Variants in AP2A2 observed in about 807,000 individuals in gnomAD.
The protein encoded by AP2A2 is AP-2 complex subunit alpha-2.
Under a neutral mutation model 104.2 loss-of-function variants are expected in AP2A2, and 32 were observed. The ratio of observed to expected loss-of-function variants is 0.31; its 90% CI spans 0.23 to 0.41. AP2A2 has a LOEUF of 0.41. Ranked by LOEUF, AP2A2 falls within the 10% of genes least tolerant of loss-of-function variation. The pLI is 1.00. For missense variants in AP2A2, 912 were observed against 1,261.0 expected, an observed-to-expected ratio of 0.72 and a Z score of 4.19; for synonymous variants, 539 against 533.3, an observed-to-expected ratio of 1.01 and a Z score of -0.15.
Position 1,002,624 on chromosome 11 carries a change from G to A in AP2A2, c.2124-1098G>A, listed in dbSNP as rs527736352. Reference sequence around the variant, plus strand: ...GCAGCGCCCTCCTGGCCCCAAGAGCGAGCCAAGGGCCGCCTGTCACTGCCC... The same window carrying A: ...GCAGCGCCCTCCTGGCCCCAAGAGCAAGCCAAGGGCCGCCTGTCACTGCCC... On this transcript the variant is annotated intron_variant, in intron 15 of 21. Transcript: ENST00000448903. Among the ~76,000 whole-genome samples the A allele has an allele frequency of 2.0e-5, 3 of 152,372 alleles. No homozygotes were observed. In the East Asian group the frequency reaches 5.8e-4, roughly 29 times the overall value.
At chr11:963,599 C>T (rs971437419) in intron 2 of AP2A2, among the ~76,000 whole-genome samples, 13 of 152,116 alleles carry the variant, frequency 8.5e-5, no homozygotes, top group African/African-American at 2.4e-4. Flanking sequence ...TTTAGAGCAA[C>T]CCTTCTGTTG....
At position 993,251 on chromosome 11, in the gene AP2A2, C is replaced by A; in HGVS notation, c.1453-33C>A. The A allele has an allele frequency of 6.4e-7, 1 of 1,565,680 alleles. No individual in the cohort carries two copies. Among genetic ancestry groups the A allele is most frequent in the Non-Finnish European group, 8.7e-7 (1 of 1,154,506 alleles). Reference sequence around the variant, plus strand: ...GCCTCGCCTTAACTCTGGCACCTGGCTGCCACCCCGGCTCATTGTTTGTGC... The same window carrying A: ...GCCTCGCCTTAACTCTGGCACCTGGATGCCACCCCGGCTCATTGTTTGTGC... On this transcript the variant is annotated intron_variant, in intron 11 of 21. Coordinates refer to ENST00000448903, the MANE Select transcript of AP2A2 (RefSeq NM_012305.4). The surrounding 1 kb of genome is among the most constrained non-coding windows in gnomAD (Gnocchi z 8.2).
chr11:991,661 A>C (rs1362320327), intron 10 of AP2A2, among the ~76,000 whole-genome samples: 3 of 128,032 alleles, frequency 2.3e-5, no homozygotes, highest in Non-Finnish European at 4.8e-5. Context: ...AGTGTCACGG[A>C]GTCAGGTTGG....
chr11:993,729 C>A lies in AP2A2; in HGVS notation c.1551-25C>A. Reference sequence around the variant, plus strand: ...AGCCTGCGAGGGGACGACGGTGTCCCTGTGTTGTGCCTCCCCGTCCCCAGC... The same window carrying A: ...AGCCTGCGAGGGGACGACGGTGTCCATGTGTTGTGCCTCCCCGTCCCCAGC... On this transcript the variant is annotated intron_variant, in intron 12 of 21. Transcript: ENST00000448903. This position sits in a 1 kb window ranked among gnomAD's most constrained non-coding sequence, Gnocchi z 8.2. The A allele has an allele frequency of 6.5e-7, 1 of 1,549,048 alleles. No homozygotes were observed. Among genetic ancestry groups the A allele is most frequent in the South Asian group, 1.2e-5 (1 of 85,110 alleles).
At chr11:928,244 A>T (rs1853180547) in intron 1 of AP2A2, among the ~76,000 whole-genome samples, 1 of 152,228 alleles carries the variant, frequency 6.6e-6, no homozygotes, top group Non-Finnish European at 1.5e-5. Context: ...ACAATAAGAT[A>T]TTTAAAGAGA....
At chr11:981,479 C>T (rs1589989931) in intron 6 of AP2A2, 180 bp downstream of exon 6, 1 of 582,026 alleles carries the variant, frequency 1.7e-6, no homozygotes, top group Non-Finnish European at 3.0e-6. Flanking sequence ...AAGCACAGCT[C>T]CCTGTTCCCA....
chr11:974,682 C>CAAAAAAAAA (rs747053947), intron 4 of AP2A2, among the ~76,000 whole-genome samples: 1 of 49,630 alleles, frequency 2.0e-5, no homozygotes. Context: ...GACTCTGTCT[C>CAAAAAAAAA]AAAAAAAAAA....
chr11:938,795 A>C (rs1360698340), intron 1 of AP2A2, among the ~76,000 whole-genome samples: 5 of 152,138 alleles, frequency 3.3e-5, no homozygotes, highest in East Asian at 1.9e-4. Flanking sequence ...ATGTTTTTAC[A>C]GACTCCTTCT....
At chr11:974,292 TCTC>T (rs1399002866) in intron 4 of AP2A2, among the ~76,000 whole-genome samples, 1 of 152,166 alleles carries the variant, frequency 6.6e-6, no homozygotes, top group Non-Finnish European at 1.5e-5. Context: ...CAGGCAGGGT[TCTC>T]CTACCTCAGA....
At chr11:932,195 C>G (rs1466471069) in intron 1 of AP2A2, among the ~76,000 whole-genome samples, 2 of 152,158 alleles carry the variant, frequency 1.3e-5, no homozygotes, top group Non-Finnish European at 2.9e-5. Context: ...TCAAGTGATC[C>G]ACCTGCCTCG....
Position 1,007,993 on chromosome 11 carries a change from G to T in AP2A2, c.2297-19G>T, listed in dbSNP as rs1281203311. 4 of 1,553,170 alleles carry T rather than the reference G, an allele frequency of 2.6e-6. No homozygotes were observed. Among genetic ancestry groups the T allele is most frequent in the Non-Finnish European group, 3.5e-6 (4 of 1,148,538 alleles). On this transcript the variant is annotated intron_variant, in intron 17 of 21. Coordinates refer to ENST00000448903, the MANE Select transcript of AP2A2 (RefSeq NM_012305.4). ...TCTGCCACTGGGACTTGCTCAGCTG[G>T]ATTCCTTAACGCACGCACACCTGAA...
At position 1,010,546 on chromosome 11, in the gene AP2A2, A is replaced by G; in HGVS notation, c.2743-2A>G. The G allele has an allele frequency of 6.3e-7, 1 of 1,587,130 alleles. No homozygotes were observed. Among genetic ancestry groups the G allele is most frequent in the Non-Finnish European group, 8.6e-7 (1 of 1,166,816 alleles). ...GTTGACCTGCTGTGCTCTCTGTTTC[A>G]GATGTACCGGCTCACGCTGCGCACA... On this transcript the variant is annotated splice_acceptor_variant, in intron 21 of 21. Transcript: ENST00000448903. LOFTEE classifies it high-confidence loss of function.
In AP2A2 at chr11:988,671, C is replaced by T. The variant is rs2133722426; in HGVS notation, c.1251C>T (p.Tyr417=). ...TGAGCTATCTGGAGACAGCTGACTA[C>T]TCCATCCGAGAAGAGATTGTGAGTT... is the stretch of plus-strand genomic sequence containing the variant. ...EMLSYLETAD[Y]SIREEIVLKV... Residue 417 remains tyrosine, a synonymous_variant, in exon 10 of 22, where the codon TAC becomes TAT. Coordinates refer to ENST00000448903, the MANE Select transcript of AP2A2 (RefSeq NM_012305.4). 6.2e-7 allele frequency: 1 copy of T among 1,613,714 alleles called. No individual in the cohort carries two copies. Among genetic ancestry groups the T allele is most frequent in the Non-Finnish European group, 8.5e-7 (1 of 1,179,904 alleles).
At chr11:1,008,707 A>G (rs889034623) in intron 18 of AP2A2, 2 of 249,514 alleles carry the variant, frequency 8.0e-6, no homozygotes, top group African/African-American at 4.5e-5. Flanking sequence ...CTAACATTAA[A>G]AAGACAGAGA....
chr11:986,530 G>C (rs867657395), intron 8 of AP2A2, among the ~76,000 whole-genome samples: 1 of 152,224 alleles, frequency 6.6e-6, no homozygotes, highest in African/African-American at 2.4e-5. Context: ...GTGCTGGGAA[G>C]GCTCCAGTGG....
chr11:994,911 CCCTGGCCT>C (rs1855800022), intron 14 of AP2A2, among the ~76,000 whole-genome samples: 1 of 127,620 alleles, frequency 7.8e-6, no homozygotes, highest in Non-Finnish European at 1.8e-5. Context: ...CTGGACGCCC[CCCTGGCCT>C]GTCCTGGGGG....
At chr11:957,070 C>T (rs1408059257) in intron 1 of AP2A2, 4 of 152,252 alleles carry the variant, frequency 2.6e-5, no homozygotes, top group Admixed American at 2.0e-4. Context: ...TGTGCTTGTG[C>T]ATGACAGACT....
chr11:969,005 C>T (rs944606255), intron 2 of AP2A2, among the ~76,000 whole-genome samples: 2 of 152,108 alleles, frequency 1.3e-5, no homozygotes, highest in African/African-American at 4.8e-5. Flanking sequence ...GTGAGCGCCC[C>T]AGCCCTTCAC....
In AP2A2 at chr11:1,010,886, C is replaced by T; in HGVS notation, c.*261C>T. ...AATTTTTATAAAAATCGAGACAGTT[C>T]TGTGGTTAAATCTACAAATTAAAGG... On this transcript the variant is annotated 3_prime_UTR_variant, in exon 22 of 22. Coordinates refer to ENST00000448903, the MANE Select transcript of AP2A2 (RefSeq NM_012305.4). 1 of 647,040 alleles carries T rather than the reference C, an allele frequency of 1.5e-6. No individual in the cohort carries two copies. The highest frequency in any genetic ancestry group is 1.8e-5 in the South Asian group (1 of 55,412). 40.1% of individuals were successfully genotyped at this position (647,040 alleles called of 1,614,324 possible).
Sources: gnomAD v4.1 joint callset for allele counts (sites outside exome capture counted in the v4.1 genomes callset) on GRCh38, gnomAD v4.1.1 for gene constraint, Gnocchi (gnomAD v3.1) non-coding constraint, MANE v1.5 for transcripts, NCBI Gene and HGNC (gene_info 2026-07-23, HGNC 2026-07-21) for gene names.